The following TTC39B variants were observed in gnomAD, a reference collection of about 807,000 sequenced individuals.
TTC39B encodes tetratricopeptide repeat protein 39B.
TTC39B carries 92 observed loss-of-function variants against 96.6 expected under a neutral mutation model. That is an observed-to-expected ratio of 0.95 (90% CI 0.80 to 1.13). The LOEUF (loss-of-function observed/expected upper bound fraction) is 1.13, where lower values mean the gene tolerates loss of function less well. TTC39B is among the 50% of genes most tolerant of loss of function. The pLI, the probability that TTC39B is intolerant of heterozygous loss-of-function variation, is 0.00. For synonymous variants in TTC39B, 367 were observed against 299.4 expected, an observed-to-expected ratio of 1.23 and a Z score of -2.33; for missense variants, 955 against 809.3, an observed-to-expected ratio of 1.18 and a Z score of -2.18.
chr9:15,176,786 A>C (rs978634491), intron 18 of TTC39B, among the ~76,000 whole-genome samples: 4 of 152,078 alleles, frequency 2.6e-5, no homozygotes, highest in African/African-American at 9.7e-5. Context: ...TACCAATCCT[A>C]TTCCTGCCAC....
intron 2 of TTC39B, among the ~76,000 whole-genome samples, chr9:15,247,827 A>C (rs1822348101): frequency 1.3e-5 from 2 of 150,282 alleles, no homozygotes; most frequent in African/African-American, 4.9e-5. Flanking sequence ...CTGTGGCTTT[A>C]GGAGAAAAAA....
intron 7 of TTC39B, among the ~76,000 whole-genome samples, chr9:15,203,046 G>A (rs1367551350): frequency 6.6e-6 from 1 of 152,004 alleles, no homozygotes; most frequent in Non-Finnish European, 1.5e-5. Flanking sequence ...GAAAGAAGGG[G>A]AAAAATAAAA....
At chr9:15,183,568 A>G (rs943644287) in intron 16 of TTC39B, 16 of 301,310 alleles carry the variant, frequency 5.3e-5, no homozygotes, top group African/African-American at 3.2e-4. Flanking sequence ...AACCTTCCCT[A>G]TGGTTCTTAA....
intron 19 of TTC39B, among the ~76,000 whole-genome samples, chr9:15,173,414 G>A (rs4741473): frequency 0.65 from 98,334 of 151,948 alleles, 32,065 homozygotes; most frequent in East Asian, 0.83. Context: ...CTAAAGTAGC[G>A]GACTCCATTT....
At chr9:15,195,704 A>C (rs2131284254) in intron 8 of TTC39B, among the ~76,000 whole-genome samples, 1 of 151,096 alleles carries the variant, frequency 6.6e-6, no homozygotes, top group East Asian at 1.9e-4. Flanking sequence ...GTGCTAAGTG[A>C]AGCTGCAAGT....
intron 1 of TTC39B, among the ~76,000 whole-genome samples, chr9:15,285,747 C>A (rs1047756388): frequency 2.0e-5 from 3 of 151,504 alleles, no homozygotes; most frequent in Admixed American, 1.3e-4. Context: ...CCCAGCTACT[C>A]AGGAGGCTGA....
chr9:15,287,989 C>A (rs1169877913), intron 1 of TTC39B, among the ~76,000 whole-genome samples: 2 of 147,234 alleles, frequency 1.4e-5, no homozygotes, highest in Admixed American at 6.8e-5. Flanking sequence ...ATGATTCTTT[C>A]TAAGCTAGTA....
At position 15,257,392 on chromosome 9, in the gene TTC39B, A is replaced by G. The variant is rs145954370; in HGVS notation, c.275+10522T>C. 6.6e-5 allele frequency among the ~76,000 whole-genome samples: 10 copies of G among 152,286 alleles called. No individual in the cohort carries two copies. In the East Asian group the frequency reaches 1.9e-3, roughly 29 times the overall value. On this transcript the variant is annotated intron_variant, in intron 2 of 19. Transcript: ENST00000512701. Reference sequence around the variant, plus strand: ...CAACTATAGAAGCTAAGTGATTAGTATATAAGGTTTGGTTTACTATCCTCT... The same window carrying G: ...CAACTATAGAAGCTAAGTGATTAGTGTATAAGGTTTGGTTTACTATCCTCT...
At chr9:15,236,319 C>G (rs1318597048) in intron 2 of TTC39B, among the ~76,000 whole-genome samples, 3 of 152,142 alleles carry the variant, frequency 2.0e-5, no homozygotes, top group Admixed American at 2.0e-4. Context: ...CCAGATTTAT[C>G]AAACAAATGC....
At chr9:15,204,671 C>A (rs182290320) in intron 6 of TTC39B, among the ~76,000 whole-genome samples, 1 of 152,192 alleles carries the variant, frequency 6.6e-6, no homozygotes, top group East Asian at 1.9e-4. Context: ...GAAAAGAAAG[C>A]AGCAATTCTC....
intron 3 of TTC39B, among the ~76,000 whole-genome samples, chr9:15,221,873 T>C (rs1008643843): frequency 1.3e-5 from 2 of 152,220 alleles, no homozygotes; most frequent in African/African-American, 4.8e-5. Flanking sequence ...CTTTTCAGTA[T>C]TGCATTGTTA....
At chr9:15,277,390 T>C (rs1823585294) in intron 1 of TTC39B, among the ~76,000 whole-genome samples, 1 of 152,140 alleles carries the variant, frequency 6.6e-6, no homozygotes, top group African/African-American at 2.4e-5. Context: ...ATAGCCCCAT[T>C]GCACTCCAGC....
chr9:15,175,819 G>A (rs1035472698), intron 18 of TTC39B, among the ~76,000 whole-genome samples: 1 of 152,156 alleles, frequency 6.6e-6, no homozygotes, highest in African/African-American at 2.4e-5. Flanking sequence ...CCATGCAGGA[G>A]ATGAGGCCTT....
intron 1 of TTC39B, 24 bp downstream of exon 1, chr9:15,307,060 C>A (rs767144038): frequency 1.1e-5 from 18 of 1,606,910 alleles, no homozygotes; most frequent in Admixed American, 8.4e-5. Flanking sequence ...AGGGGCCGGG[C>A]CCGCAATCCC....
At chr9:15,227,815 C>T (rs1821207720) in intron 2 of TTC39B, among the ~76,000 whole-genome samples, 1 of 152,128 alleles carries the variant, frequency 6.6e-6, no homozygotes, top group Non-Finnish European at 1.5e-5. Flanking sequence ...TTGCCTTTAG[C>T]TTTAATAAAA....
At chr9:15,214,087 T>A in intron 4 of TTC39B, 52 bp downstream of exon 4, 2 of 1,356,376 alleles carry the variant, frequency 1.5e-6, no homozygotes, top group Non-Finnish European at 2.1e-6. Context: ...CATCAAAGAA[T>A]CATCAGAAAC....
chr9:15,189,532 A>G (rs1432778128), intron 13 of TTC39B, 42 bp downstream of exon 13: 1 of 1,604,768 alleles, frequency 6.2e-7, no homozygotes, highest in Non-Finnish European at 8.5e-7. Context: ...AGGAGTCGCC[A>G]TACAGACAAC....
At chr9:15,212,138 G>C (rs868237711) in intron 4 of TTC39B, among the ~76,000 whole-genome samples, 1 of 152,134 alleles carries the variant, frequency 6.6e-6, no homozygotes, top group South Asian at 2.1e-4. Context: ...GGTAATGCAT[G>C]GTTTTGTTTT....
rs144095385 is a variant in TTC39B, at chr9:15,277,922, A to G, written c.241-9974T>C. Among the ~76,000 whole-genome samples the G allele has an allele frequency of 9.2e-5, 14 of 152,354 alleles. No individual in the cohort carries two copies. In the East Asian group the frequency reaches 9.6e-4, roughly 10 times the overall value. On this transcript the variant is annotated intron_variant, in intron 1 of 19. Transcript: ENST00000512701. ...AATGCCAAGCGAAGCAGTTCACACA[A>G]TGATTCTTCGGAATTTCCAACAACC...
Sources: allele counts gnomAD v4.1 joint callset (sites outside exome capture counted in the v4.1 genomes callset), GRCh38; gene constraint gnomAD v4.1.1; transcripts MANE v1.5; gene names NCBI Gene and HGNC (gene_info 2026-07-23, HGNC 2026-07-21).